Variants in RABAC1 observed in about 807,000 individuals in gnomAD.
RABAC1 encodes Rab acceptor 1.
In RABAC1, 16 loss-of-function variants were observed where a neutral mutation model predicts 22.9. The observed-to-expected ratio is 0.70, with a 90% confidence interval of 0.47 to 1.06. The LOEUF (loss-of-function observed/expected upper bound fraction) is 1.06, where lower values mean the gene tolerates loss of function less well. RABAC1 is among the 50% of genes least tolerant of loss of function. The pLI is 0.00. For synonymous variants in RABAC1, 139 were observed against 107.7 expected, an observed-to-expected ratio of 1.29 and a Z score of -1.80; for missense variants, 227 against 246.5, an observed-to-expected ratio of 0.92 and a Z score of 0.53.
At chr19:41,957,404 AG>A in intron 3 of RABAC1, 2 of 453,146 alleles carry the variant, frequency 4.4e-6, no homozygotes, top group South Asian at 6.0e-5. Flanking sequence ...TCCCTAGACT[AG>A]GGCTCTCCTG....
chr19:41,957,431 A>G, intron 3 of RABAC1: 1 of 364,280 alleles, frequency 2.7e-6, no homozygotes, highest in Non-Finnish European at 5.1e-6. Context: ...ACCCTCGCGC[A>G]GACCAGGGTC....
In RABAC1 at chr19:41,958,268, G is replaced by A; in HGVS notation, c.367+18C>T. On this transcript the variant is annotated intron_variant, in intron 3 of 4. Transcript: ENST00000222008. ...GATTTGAGGGACCAAGGATTCATCT[G>A]GGCAGGGGGTTTCTCACCAAAGAGC... is the stretch of plus-strand genomic sequence containing the variant. The A allele has an allele frequency of 6.3e-7, 1 of 1,595,150 alleles. No homozygotes were observed. Among genetic ancestry groups the A allele is most frequent in the Non-Finnish European group, 8.6e-7 (1 of 1,165,972 alleles).
rs782752967 is a variant in RABAC1, at chr19:41,959,314, G to C, written c.-22C>G. ...CCATGTCTGCGTCGTGAGGGGTAGAGCTGCTGTAACCAGCCCGGTACCCTG... is the reference window on the plus strand; with the variant it reads ...CCATGTCTGCGTCGTGAGGGGTAGACCTGCTGTAACCAGCCCGGTACCCTG... On this transcript the variant is annotated 5_prime_UTR_variant, in exon 1 of 5. Coordinates refer to ENST00000222008, the MANE Select transcript of RABAC1 (RefSeq NM_006423.3). 1.9e-6 allele frequency: 3 copies of C among 1,613,394 alleles called. No individual in the cohort carries two copies. Among genetic ancestry groups the C allele is most frequent in the East Asian group, 4.5e-5 (2 of 44,886 alleles).
Position 41,958,921 on chromosome 19 carries a change from G to A in RABAC1, c.84C>T (p.Ser28=). 6.3e-7 allele frequency: 1 copy of A among 1,589,474 alleles called. No homozygotes were observed. The highest frequency in any genetic ancestry group is 8.5e-7 in the Non-Finnish European group (1 of 1,172,146). The change falls in exon 2 of 5, where the codon TCC becomes TCT. Residue 28 remains serine (S), a synonymous_variant. Coordinates refer to ENST00000222008, the MANE Select transcript of RABAC1 (RefSeq NM_006423.3). ...GTTLLPKLIP[S]GAGREWLERR... is the part of the protein sequence containing the mutation. ...GCTCCAGCCACTCCCGGCCTGCACC[G>A]GAGGGAATCAGCTTCGGCAGCAGGG...
At position 41,958,370 on chromosome 19, in the gene RABAC1, T is replaced by C; in HGVS notation, c.283A>G (p.Met95Val). 1.9e-6 allele frequency: 3 copies of C among 1,613,144 alleles called. No individual in the cohort carries two copies. The highest frequency in any genetic ancestry group is 2.5e-6 in the Non-Finnish European group (3 of 1,179,678). The change falls in exon 3 of 5, where the codon ATG becomes GTG. Residue 95 changes from methionine to valine, a missense_variant. Physicochemically the swap from Met to Val is conservative, Grantham distance 21. Transcript: ENST00000222008. ...AAGACAGCCAGAGCCACCAGCAACA[T>C]AGGGGACGTCACCCTGGAGGAGGAG... ...LILYCVVTSP[M>V]LLVALAVFFG...
In RABAC1 at chr19:41,958,785, A is replaced by G. The variant is rs1555857122; in HGVS notation, c.220T>C (p.Tyr74His). 6.2e-7 allele frequency: 1 copy of G among 1,612,990 alleles called. No individual in the cohort carries two copies. Among genetic ancestry groups the G allele is most frequent in the South Asian group, 1.1e-5 (1 of 91,072 alleles). ...CQRLVRNVEY[Y>H]QSNYVFVFLG... Reference sequence around the variant, plus strand: ...AACACGAACACATAGTTGCTCTGGTAGTACTCCACGTTGCGTACGAGGCGC... The same window carrying G: ...AACACGAACACATAGTTGCTCTGGTGGTACTCCACGTTGCGTACGAGGCGC... The change falls in exon 2 of 5, where the codon TAC becomes CAC. Residue 74 changes from tyrosine to histidine, a missense_variant. Transcript: ENST00000222008.
At chr19:41,958,980 C>G (rs942377216) in intron 1 of RABAC1, 32 bp from the exon 2 acceptor site, 1 of 1,527,380 alleles carries the variant, frequency 6.5e-7, no homozygotes, top group South Asian at 1.2e-5. Flanking sequence ...CAGTGGTGGA[C>G]CGGGATGGAG....
At chr19:41,959,193 A>T (rs1244238174) in intron 1 of RABAC1, 44 bp downstream of exon 1, 2 of 1,610,896 alleles carry the variant, frequency 1.2e-6, no homozygotes, top group African/African-American at 2.7e-5. Context: ...GGGGGCCCGG[A>T]CTCCCGGGTC....
intron 1 of RABAC1, 104 bp downstream of exon 1, chr19:41,959,130 TGCG>T: frequency 6.7e-7 from 1 of 1,499,600 alleles, no homozygotes. Flanking sequence ...CCAACACTTC[TGCG>T]GCTCGGGGCT....
intron 2 of RABAC1, 111 bp from the exon 3 acceptor site, chr19:41,958,494 G>A (rs992093868): frequency 6.1e-5 from 67 of 1,095,594 alleles, no homozygotes; most frequent in Non-Finnish European, 8.7e-5. Flanking sequence ...AGACCAGGGA[G>A]GGCCAGGTGA....
rs2075001633 is a variant in RABAC1, at chr19:41,958,719, G to A, written c.269+17C>T. On this transcript the variant is annotated intron_variant, in intron 2 of 4. Coordinates refer to ENST00000222008, the MANE Select transcript of RABAC1 (RefSeq NM_006423.3). ...CGGTCGGGGCTAGTGCGGGTGCGGG[G>A]CCCGGGAGGCACTCACACACAGTAC... is the stretch of plus-strand genomic sequence containing the variant. 3.7e-6 allele frequency: 6 copies of A among 1,606,060 alleles called. No individual in the cohort carries two copies. Among genetic ancestry groups the A allele is most frequent in the Non-Finnish European group, 2.6e-6 (3 of 1,176,286 alleles).
Position 41,958,834 on chromosome 19 carries a change from G to A in RABAC1, c.171C>T (p.Pro57=). The part of the protein sequence containing the change: ...TFVDQQRFSR[P]RNLGELCQRL... ...GCTGGCACAGCTCTCCCAGGTTGCG[G>A]GGCCGTGAGAAGCGCTGCTGGTCCA... Residue 57 remains proline, a synonymous_variant, in exon 2 of 5, where the codon CCC becomes CCT. Transcript: ENST00000222008. The A allele has an allele frequency of 6.2e-7, 1 of 1,610,252 alleles. No homozygotes were observed. Among genetic ancestry groups the A allele is most frequent in the Non-Finnish European group, 8.5e-7 (1 of 1,179,798 alleles).
At chr19:41,958,410 G>C (rs376197104) in intron 2 of RABAC1, 27 bp from the exon 3 acceptor site, 1 of 1,597,766 alleles carries the variant, frequency 6.3e-7, no homozygotes, top group Non-Finnish European at 8.6e-7. Context: ...GGGAGGCAGC[G>C]GTTAGACAGC....
rs1368381082 is a variant in RABAC1 at position 41,956,873 on chromosome 19, C to T, written c.531G>A (p.Gly177=). 3 of 1,612,286 alleles carry T rather than the reference C, an allele frequency of 1.9e-6. No homozygotes were observed. Among genetic ancestry groups the T allele is most frequent in the African/African-American group, 1.3e-5 (1 of 74,880 alleles). Residue 177 remains glycine (G), a synonymous_variant, in exon 5 of 5, where the codon GGG becomes GGA. Coordinates refer to ENST00000222008, the MANE Select transcript of RABAC1 (RefSeq NM_006423.3). ...AAFHQIEAVD[G]EELQMEPV Reference sequence around the variant, plus strand: ...ACACGGGTTCCATCTGCAGCTCCTCCCCGTCCACAGCCTCAATCTGGTGGA... The same window carrying T: ...ACACGGGTTCCATCTGCAGCTCCTCTCCGTCCACAGCCTCAATCTGGTGGA...
rs1599695909 is a variant in RABAC1 at position 41,958,377 on chromosome 19, C to T, written c.276G>A (p.Thr92=). The T allele has an allele frequency of 1.9e-6, 3 of 1,613,054 alleles. No homozygotes were observed. The highest frequency in any genetic ancestry group is 2.5e-6 in the Non-Finnish European group (3 of 1,179,696). The change falls in exon 3 of 5, where the codon ACG becomes ACA. Residue 92 remains threonine, a synonymous_variant. Transcript: ENST00000222008. The stretch of plus-strand genomic sequence containing the variant: ...CCAGAGCCACCAGCAACATAGGGGA[C>T]GTCACCCTGGAGGAGGAGTGCAGGG... ...FLGLILYCVV[T]SPMLLVALAV... is the part of the protein sequence containing the mutation.
intron 3 of RABAC1, chr19:41,958,069 G>A: frequency 5.7e-6 from 3 of 530,054 alleles, no homozygotes; most frequent in Non-Finnish European, 1.0e-5. Flanking sequence ...GGTGGATCCT[G>A]GGTTTGAGGA....
chr19:41,957,461 G>A, intron 3 of RABAC1: 1 of 297,172 alleles, frequency 3.4e-6, no homozygotes, highest in Non-Finnish European at 6.4e-6. Context: ...TGGCCCAAGG[G>A]CCAAATCTGA....
intron 2 of RABAC1, 46 bp downstream of exon 2, chr19:41,958,690 C>T (rs898696246): frequency 5.7e-6 from 9 of 1,572,602 alleles, no homozygotes; most frequent in Non-Finnish European, 7.8e-6. Flanking sequence ...AGGAGGGGTC[C>T]AGCCGGTCGG....
chr19:41,958,891 G>T lies in RABAC1; in HGVS notation c.114C>A (p.Arg38=). The change falls in exon 2 of 5, where the codon CGC becomes CGA. Residue 38 remains arginine, a synonymous_variant. Transcript: ENST00000222008. ...SGAGREWLER[R]RATIRPWSTF... ...TGCTCCAGGGCCGGATGGTCGCGCGGCGCCGCTCCAGCCACTCCCGGCCTG... is the reference window on the plus strand; with the variant it reads ...TGCTCCAGGGCCGGATGGTCGCGCGTCGCCGCTCCAGCCACTCCCGGCCTG... 1 of 1,595,188 alleles carries T rather than the reference G, an allele frequency of 6.3e-7. No homozygotes were observed.
Sources: gnomAD v4.1 joint callset for allele counts on GRCh38, gnomAD v4.1.1 for gene constraint, MANE v1.5 for transcripts, NCBI Gene and HGNC (gene_info 2026-07-23, HGNC 2026-07-21) for gene names.